Variants in RALGPS1 observed in about 807,000 individuals in gnomAD.
RALGPS1 encodes the protein Ral GEF with PH domain and SH3 binding motif 1, also known as ras-specific guanine nucleotide-releasing factor RalGPS1.
In RALGPS1, 19 loss-of-function variants were observed where a neutral mutation model predicts 78.8. That is an observed-to-expected ratio of 0.24 (90% CI 0.17 to 0.35). The LOEUF (loss-of-function observed/expected upper bound fraction) is 0.35. RALGPS1 is among the 10% of genes least tolerant of loss of function. The pLI, the probability that RALGPS1 is intolerant of heterozygous loss-of-function variation, is 1.00. For synonymous variants in RALGPS1, 228 were observed against 256.3 expected (o/e 0.89, Z 1.06); for missense variants, 454 against 688.3 (o/e 0.66, Z 3.81).
At chr9:127,107,775 C>T (rs2054362645) in intron 8 of RALGPS1, 2 of 849,708 alleles carry the variant, frequency 2.4e-6, no homozygotes, top group Non-Finnish European at 3.5e-6. Context: ...CAGCTCAGCC[C>T]AAGGGATTGC....
chr9:127,150,966 G>A (rs1320531950), intron 8 of RALGPS1, among the ~76,000 whole-genome samples: 3 of 152,020 alleles, frequency 2.0e-5, no homozygotes, highest in Admixed American at 6.6e-5. Flanking sequence ...GGCGGATCAC[G>A]AGCTCAGGAA....
chr9:126,951,844 A>G (rs2037852366), intron 1 of RALGPS1, among the ~76,000 whole-genome samples: 1 of 152,210 alleles, frequency 6.6e-6, no homozygotes, highest in Admixed American at 6.5e-5. Context: ...AGAAAGAAAT[A>G]AAGGGTATTC....
At chr9:127,014,244 A>C (rs1316901797) in intron 4 of RALGPS1, among the ~76,000 whole-genome samples, 1 of 152,238 alleles carries the variant, frequency 6.6e-6, no homozygotes, top group East Asian at 1.9e-4. Context: ...AGGTTTCCTC[A>C]TACTTTTAAG....
chr9:127,108,485 G>C (rs956446911), intron 8 of RALGPS1: 2 of 1,612,530 alleles, frequency 1.2e-6, no homozygotes, highest in South Asian at 1.1e-5. Flanking sequence ...TTATGCACTC[G>C]GTTCTCCAGA....
intron 4 of RALGPS1, among the ~76,000 whole-genome samples, chr9:127,032,790 G>A (rs891654354): frequency 2.6e-5 from 4 of 152,140 alleles, no homozygotes; most frequent in African/African-American, 7.2e-5. Flanking sequence ...AGGAATTTGA[G>A]ACCAGCCTGG....
intron 6 of RALGPS1, among the ~76,000 whole-genome samples, chr9:127,051,954 A>G (rs1397431172): frequency 6.6e-6 from 1 of 152,194 alleles, no homozygotes; most frequent in Non-Finnish European, 1.5e-5. Flanking sequence ...GGGGTGGGCA[A>G]AGACAAGGCT....
rs201609759 is a variant in RALGPS1 at position 127,212,606 on chromosome 9, C to G, written c.1354-21C>G. The G allele has an allele frequency of 6.4e-7, 1 of 1,567,238 alleles. No individual in the cohort carries two copies. Among genetic ancestry groups the G allele is most frequent in the East Asian group, 2.2e-5 (1 of 44,554 alleles). The stretch of plus-strand genomic sequence containing the variant: ...CCCCACGACCCCTGGTGGCATCACT[C>G]AGCCTCCCCTTCCTCTGTAGCTGTC... On this transcript the variant is annotated intron_variant, in intron 15 of 18. Transcript: ENST00000259351. This position sits in a 1 kb window ranked among gnomAD's most constrained non-coding sequence, Gnocchi z 6.0.
chr9:126,988,664 A>G (rs2042016081), intron 4 of RALGPS1, among the ~76,000 whole-genome samples: 1 of 152,134 alleles, frequency 6.6e-6, no homozygotes. Flanking sequence ...AGTCAGGGAG[A>G]CTAGTTAGGA....
chr9:127,041,545 T>C (rs769634908), intron 5 of RALGPS1, among the ~76,000 whole-genome samples: 3 of 152,130 alleles, frequency 2.0e-5, no homozygotes, highest in Non-Finnish European at 2.9e-5. Context: ...TTCTAGTATG[T>C]GTGTAGTAAT....
intron 4 of RALGPS1, among the ~76,000 whole-genome samples, chr9:126,995,879 A>C (rs1362681093): frequency 6.6e-6 from 1 of 152,092 alleles, no homozygotes; most frequent in Non-Finnish European, 1.5e-5. Context: ...TAAGAAACTC[A>C]CTCAAAACCA....
At chr9:127,094,636 C>T (rs1006097465) in intron 8 of RALGPS1, among the ~76,000 whole-genome samples, 2 of 152,242 alleles carry the variant, frequency 1.3e-5, no homozygotes, top group African/African-American at 4.8e-5. Flanking sequence ...TTTAGGGGGC[C>T]AGGTTCCCTT....
At chr9:127,015,784 C>T (rs1032540023) in intron 4 of RALGPS1, among the ~76,000 whole-genome samples, 3 of 152,026 alleles carry the variant, frequency 2.0e-5, no homozygotes, top group Admixed American at 1.3e-4. Flanking sequence ...CATTTGTTCC[C>T]CTCTTCTCCC....
chr9:126,987,595 G>A (rs115597185), intron 4 of RALGPS1, among the ~76,000 whole-genome samples: 129 of 152,278 alleles, frequency 8.5e-4, no homozygotes, highest in African/African-American at 3.0e-3. Flanking sequence ...CATGGTGTAC[G>A]GTGGGCCTCA....
At chr9:127,070,812 C>G (rs1402159572) in intron 8 of RALGPS1, among the ~76,000 whole-genome samples, 1 of 151,728 alleles carries the variant, frequency 6.6e-6, no homozygotes, top group Non-Finnish European at 1.5e-5. Context: ...ACATTTTTGA[C>G]AATTTTAAAA....
At chr9:127,089,999 G>A (rs1185277117) in intron 8 of RALGPS1, among the ~76,000 whole-genome samples, 3 of 152,236 alleles carry the variant, frequency 2.0e-5, no homozygotes, top group Admixed American at 6.5e-5. Flanking sequence ...GGCCGAGGCC[G>A]TGGGATGAGG....
chr9:127,160,611 A>C (rs2058966814), intron 8 of RALGPS1, among the ~76,000 whole-genome samples: 1 of 152,162 alleles, frequency 6.6e-6, no homozygotes, highest in Non-Finnish European at 1.5e-5. Flanking sequence ...AGCTGCCAGC[A>C]GTGTCCTGGG....
chr9:127,029,982 C>T (rs953006039), intron 4 of RALGPS1, among the ~76,000 whole-genome samples: 1 of 152,206 alleles, frequency 6.6e-6, no homozygotes, highest in African/African-American at 2.4e-5. Context: ...GGTATTAAGA[C>T]TAAGTTTTTT....
At chr9:127,148,583 G>A (rs1318712581) in intron 8 of RALGPS1, among the ~76,000 whole-genome samples, 1 of 152,234 alleles carries the variant, frequency 6.6e-6, no homozygotes, top group Non-Finnish European at 1.5e-5. Flanking sequence ...GGACACATGA[G>A]GTGAGAGCAC....
intron 11 of RALGPS1, among the ~76,000 whole-genome samples, chr9:127,175,037 G>C (rs140786887): frequency 1.3e-5 from 2 of 152,226 alleles, no homozygotes; most frequent in Non-Finnish European, 2.9e-5. Context: ...CCCAAGAGAG[G>C]CAGGATCAGA....
Sources: gnomAD v4.1 joint callset for allele counts (sites outside exome capture counted in the v4.1 genomes callset) on GRCh38, gnomAD v4.1.1 for gene constraint, Gnocchi (gnomAD v3.1) non-coding constraint, MANE v1.5 for transcripts, NCBI Gene and HGNC (gene_info 2026-07-23, HGNC 2026-07-21) for gene names.